Variants in PABPC4L observed in about 807,000 individuals in gnomAD.
The protein encoded by PABPC4L is polyadenylate-binding protein 4-like.
For missense variants in PABPC4L, 452 were observed against 451.4 expected (o/e 1.00, Z -0.01); for synonymous variants, 169 against 164.1 (o/e 1.03, Z -0.23).
the PABPC4L span, among the ~76,000 whole-genome samples, chr4:134,000,146 G>T: frequency 6.6e-6 from 1 of 152,014 alleles, no homozygotes; most frequent in African/African-American, 2.4e-5. Flanking sequence ...AAATGGAAAT[G>T]AATAACTTCA....
At chr4:133,995,892 G>A in the PABPC4L span, among the ~76,000 whole-genome samples, 38 of 152,268 alleles carry the variant, frequency 2.5e-4, no homozygotes, top group African/African-American at 8.7e-4. Flanking sequence ...TGTTTGCTAT[G>A]GCTTCAATTA....
chr4:134,188,588 A>C, the PABPC4L span, among the ~76,000 whole-genome samples: 1 of 152,188 alleles, frequency 6.6e-6, no homozygotes, highest in African/African-American at 2.4e-5. Context: ...TCTAGGATGG[A>C]GAAGTTGTTG....
the PABPC4L span, among the ~76,000 whole-genome samples, chr4:133,960,400 G>A: frequency 6.6e-6 from 1 of 152,192 alleles, no homozygotes; most frequent in Non-Finnish European, 1.5e-5. Flanking sequence ...AAGTAGAGGA[G>A]CAACGGAAAG....
the PABPC4L span, among the ~76,000 whole-genome samples, chr4:133,959,071 G>A: frequency 6.6e-6 from 1 of 152,272 alleles, no homozygotes; most frequent in South Asian, 2.1e-4. Flanking sequence ...AGGCTCCCAT[G>A]TTACACAGTA....
the PABPC4L span, among the ~76,000 whole-genome samples, chr4:134,055,239 AC>A: frequency 2.0e-5 from 3 of 152,034 alleles, no homozygotes; most frequent in Non-Finnish European, 4.4e-5. Context: ...TTAATACACA[AC>A]AAAACAAGAA....
chr4:134,123,202 C>G, the PABPC4L span, among the ~76,000 whole-genome samples: 1 of 152,002 alleles, frequency 6.6e-6, no homozygotes, highest in Non-Finnish European at 1.5e-5. Context: ...AGCACTATCA[C>G]TCATGCCTGA....
At chr4:134,177,299 C>T in the PABPC4L span, among the ~76,000 whole-genome samples, 2 of 151,180 alleles carry the variant, frequency 1.3e-5, no homozygotes, top group Non-Finnish European at 2.9e-5. Context: ...GCTTTGGCCT[C>T]CCAACAGCTG....
At chr4:134,052,941 T>A in the PABPC4L span, among the ~76,000 whole-genome samples, 2 of 152,256 alleles carry the variant, frequency 1.3e-5, no homozygotes, top group African/African-American at 4.8e-5. Flanking sequence ...AGTAATTAGG[T>A]ATTTTAAAAT....
At chr4:134,147,534 A>G in the PABPC4L span, among the ~76,000 whole-genome samples, 9 of 152,294 alleles carry the variant, frequency 5.9e-5, no homozygotes, top group African/African-American at 2.2e-4. Context: ...AGGAGATAAC[A>G]TTTGTATAAA....
At chr4:133,978,549 G>C in the PABPC4L span, among the ~76,000 whole-genome samples, 1 of 151,236 alleles carries the variant, frequency 6.6e-6, no homozygotes, top group African/African-American at 2.5e-5. Context: ...CCGGGAGGTG[G>C]AGGCTGTGTG....
the PABPC4L span, among the ~76,000 whole-genome samples, chr4:134,111,296 A>G: frequency 1.3e-5 from 2 of 152,068 alleles, no homozygotes; most frequent in African/African-American, 2.4e-5. Context: ...CCAAAGCTAC[A>G]GTTCCCAAAT....
At chr4:134,121,754 C>G in the PABPC4L span, among the ~76,000 whole-genome samples, 1 of 151,710 alleles carries the variant, frequency 6.6e-6, no homozygotes, top group Non-Finnish European at 1.5e-5. Context: ...AGGACTAACG[C>G]CATGCTGAAT....
chr4:133,998,374 T>G, the PABPC4L span, among the ~76,000 whole-genome samples: 2 of 151,672 alleles, frequency 1.3e-5, no homozygotes, highest in African/African-American at 2.4e-5. Context: ...TGCAATGTTA[T>G]CTCTATAATA....
chr4:134,095,008 T>A, the PABPC4L span, among the ~76,000 whole-genome samples: 1 of 151,840 alleles, frequency 6.6e-6, no homozygotes, highest in Non-Finnish European at 1.5e-5. Context: ...GAATCATCAT[T>A]ATTTAAGAAA....
downstream of PABPC4L, among the ~76,000 whole-genome samples, chr4:134,191,910 C>A (rs974791142): frequency 3.3e-5 from 5 of 151,424 alleles, no homozygotes; most frequent in African/African-American, 9.7e-5. Flanking sequence ...CAGAAACAAA[C>A]AAAATTAAGA....
At chr4:134,045,437 T>C in the PABPC4L span, among the ~76,000 whole-genome samples, 1 of 152,182 alleles carries the variant, frequency 6.6e-6, no homozygotes, top group Admixed American at 6.6e-5. Flanking sequence ...ACCAATGCTC[T>C]CTTTTCTTTT....
chr4:134,153,819 T>G, the PABPC4L span, among the ~76,000 whole-genome samples: 27 of 146,424 alleles, frequency 1.8e-4, 1 homozygote, highest in South Asian at 1.1e-3. Flanking sequence ...AGTTTTTTTT[T>G]TTTTTTTTTT....
chr4:134,163,092 TA>T, the PABPC4L span, among the ~76,000 whole-genome samples: 627 of 152,082 alleles, frequency 4.1e-3, 2 homozygotes, highest in African/African-American at 0.011. Flanking sequence ...AAATAATAAA[TA>T]AAATTGATAG....
At chr4:134,120,623 C>A in the PABPC4L span, among the ~76,000 whole-genome samples, 1 of 151,018 alleles carries the variant, frequency 6.6e-6, no homozygotes, top group Middle Eastern at 3.4e-3. Context: ...CAGGTATATA[C>A]TTCTATGTTC....
Sources: allele counts gnomAD v4.1 joint callset (sites outside exome capture counted in the v4.1 genomes callset), GRCh38; gene constraint gnomAD v4.1.1; transcripts MANE v1.5; gene names NCBI Gene and HGNC (gene_info 2026-07-23, HGNC 2026-07-21).